The following GLIS3 variants were observed in gnomAD, a reference collection of about 807,000 sequenced individuals.
GLIS3 encodes the protein zinc finger protein GLIS3.
In GLIS3, 53 loss-of-function variants were observed where a neutral mutation model predicts 78.6. The observed-to-expected ratio is 0.67, with a 90% CI of 0.54 to 0.85. The LOEUF (loss-of-function observed/expected upper bound fraction) is 0.85, where lower values mean the gene tolerates loss of function less well. GLIS3 is among the 40% of genes least tolerant of loss of function. GLIS3 has a pLI of 0.00. For missense variants in GLIS3, 1,703 were observed against 1,231.1 expected (o/e 1.38, Z -5.74); for synonymous variants, 684 against 509.9 (o/e 1.34, Z -4.60).
chr9:3,992,949 G>A (rs1415983174), intron 4 of GLIS3, among the ~76,000 whole-genome samples: 3 of 152,174 alleles, frequency 2.0e-5, no homozygotes, highest in Non-Finnish European at 4.4e-5. Context: ...AATCCTTATA[G>A]GGTGTTTTTC....
At chr9:4,289,738 T>G (rs913928087) in intron 1 of GLIS3, among the ~76,000 whole-genome samples, 4 of 152,144 alleles carry the variant, frequency 2.6e-5, no homozygotes, top group African/African-American at 9.7e-5. Context: ...GATCTGACAT[T>G]GTGGCATAGC....
intron 4 of GLIS3, among the ~76,000 whole-genome samples, chr9:4,033,864 TAAAAAAAAAAAAA>T (rs34745570): frequency 1.0e-4 from 7 of 67,980 alleles, no homozygotes; most frequent in Non-Finnish European, 1.7e-4. Flanking sequence ...AGGCGAAGGA[TAAAAAAAAAAAAA>T]AAAAAAAAAA....
At chr9:4,319,708 G>A (rs1041013336) in intron 2 of GLIS3, among the ~76,000 whole-genome samples, 1 of 151,994 alleles carries the variant, frequency 6.6e-6, no homozygotes, top group East Asian at 1.9e-4. Context: ...TTTATTTTGG[G>A]AGGTAGAGAC....
chr9:4,323,396 C>A (rs1331208055), intron 2 of GLIS3, among the ~76,000 whole-genome samples: 1 of 152,088 alleles, frequency 6.6e-6, no homozygotes, highest in East Asian at 1.9e-4. Flanking sequence ...TGTGTATAGT[C>A]TCTAGAACTT....
intron 4 of GLIS3, among the ~76,000 whole-genome samples, chr9:4,079,215 T>C (rs886401100): frequency 2.0e-5 from 3 of 152,226 alleles, no homozygotes; most frequent in African/African-American, 7.2e-5. Flanking sequence ...ATGACATTTA[T>C]GCCTTGCACA....
chr9:4,093,409 C>G (rs1380895447), intron 4 of GLIS3, among the ~76,000 whole-genome samples: 1 of 152,204 alleles, frequency 6.6e-6, no homozygotes, highest in Non-Finnish European at 1.5e-5. Flanking sequence ...ATGTGGAAGA[C>G]AGAGGAGAGC....
Position 4,178,024 on chromosome 9 carries a change from A to C in GLIS3, c.389-52083T>G, listed in dbSNP as rs571800185. On this transcript the variant is annotated intron_variant, in intron 2 of 10. Transcript: ENST00000381971. Reference sequence around the variant, plus strand: ...ATTATCACTACCTTTGGGGAAATACAGTAATTTATGGAGTGAAGCTAGCAA... The same window carrying C: ...ATTATCACTACCTTTGGGGAAATACCGTAATTTATGGAGTGAAGCTAGCAA... 4.8e-4 allele frequency among the ~76,000 whole-genome samples: 73 copies of C among 152,356 alleles called. No homozygotes were observed. The South Asian group carries it at 0.014, about 29-fold the overall frequency.
At chr9:3,946,653 A>C (rs1379671755) in intron 4 of GLIS3, among the ~76,000 whole-genome samples, 2 of 152,192 alleles carry the variant, frequency 1.3e-5, no homozygotes, top group African/African-American at 4.8e-5. Context: ...TGATATTCTG[A>C]GAAATTTGTA....
intron 2 of GLIS3, among the ~76,000 whole-genome samples, chr9:4,317,997 TAGAA>T (rs1479363084): frequency 1.3e-5 from 2 of 152,190 alleles, no homozygotes; most frequent in Admixed American, 6.5e-5. Context: ...AAGATAGACT[TAGAA>T]AGAACATGTG....
chr9:4,160,512 G>A (rs1418374013), intron 2 of GLIS3, among the ~76,000 whole-genome samples: 1 of 152,232 alleles, frequency 6.6e-6, no homozygotes. Context: ...AAAGTGACAT[G>A]CGATACAGGC....
At chr9:4,092,268 C>T (rs1195801829) in intron 4 of GLIS3, among the ~76,000 whole-genome samples, 1 of 151,680 alleles carries the variant, frequency 6.6e-6, no homozygotes, top group African/African-American at 2.4e-5. Context: ...TCTCCTGTCT[C>T]AGCCTCCCGA....
intron 9 of GLIS3, among the ~76,000 whole-genome samples, chr9:3,830,525 T>C (rs1471147345): frequency 6.6e-6 from 1 of 152,224 alleles, no homozygotes; most frequent in Non-Finnish European, 1.5e-5. Context: ...AGTGAGTCAT[T>C]GGATAAGGAA....
At chr9:4,371,133 A>G in the GLIS3 span, among the ~76,000 whole-genome samples, 2 of 152,222 alleles carry the variant, frequency 1.3e-5, no homozygotes, top group Admixed American at 1.3e-4. Flanking sequence ...CTTTTTAAAA[A>G]TGCATGCATA....
chr9:4,479,823 G>C, the GLIS3 span, among the ~76,000 whole-genome samples: 6 of 151,354 alleles, frequency 4.0e-5, no homozygotes, highest in African/African-American at 1.2e-4. Flanking sequence ...AGCTTAGAGA[G>C]AGAAAACAGG....
the GLIS3 span, among the ~76,000 whole-genome samples, chr9:4,484,791 A>G: frequency 4.6e-5 from 7 of 152,084 alleles, no homozygotes; most frequent in African/African-American, 1.7e-4. Context: ...TCCCAAAACT[A>G]TCCCTTCCTC....
intron 4 of GLIS3, among the ~76,000 whole-genome samples, chr9:4,083,875 T>G (rs1828768960): frequency 6.6e-6 from 1 of 152,216 alleles, no homozygotes. Flanking sequence ...CTGGTTTCAC[T>G]TGCTACTTCA....
At chr9:4,008,022 C>A (rs1217399256) in intron 4 of GLIS3, among the ~76,000 whole-genome samples, 1 of 152,128 alleles carries the variant, frequency 6.6e-6, no homozygotes, top group Non-Finnish European at 1.5e-5. Flanking sequence ...ACTCCCTCTG[C>A]ACCTAAGCTC....
In GLIS3 at chr9:4,286,428, T is replaced by C; in HGVS notation, c.-3A>G. 1 of 1,613,886 alleles carries C rather than the reference T, an allele frequency of 6.2e-7. No individual in the cohort carries two copies. Among genetic ancestry groups the C allele is most frequent in the Non-Finnish European group, 8.5e-7 (1 of 1,180,032 alleles). On this transcript the variant is annotated 5_prime_UTR_variant, in exon 2 of 11. Coordinates refer to ENST00000381971, the MANE Select transcript of GLIS3 (RefSeq NM_001042413.2). ...ATGCTGCATGATCTTCCATTCATTC[T>C]GAAAAACCTGTGGCCAAGACGGTCA...
intron 2 of GLIS3, among the ~76,000 whole-genome samples, chr9:4,135,975 G>A (rs1279816923): frequency 6.6e-6 from 1 of 152,156 alleles, no homozygotes; most frequent in African/African-American, 2.4e-5. Flanking sequence ...GAACATATGT[G>A]ACTGTATGGT....
Sources: allele counts gnomAD v4.1 joint callset (sites outside exome capture counted in the v4.1 genomes callset), GRCh38; gene constraint gnomAD v4.1.1; transcripts MANE v1.5; gene names NCBI Gene and HGNC (gene_info 2026-07-23, HGNC 2026-07-21).